Variants in RBFOX1 observed in about 807,000 individuals in gnomAD.
The protein encoded by RBFOX1 is RNA binding protein fox-1 homolog 1.
A neutral mutation model predicts 57.7 loss-of-function variants in RBFOX1; 8 were observed. That is an observed-to-expected ratio of 0.14 (90% CI 0.08 to 0.25). The LOEUF is 0.25. RBFOX1 is among the 10% of genes least tolerant of loss of function. The pLI, the probability that RBFOX1 is intolerant of heterozygous loss-of-function variation, is 1.00. For missense variants in RBFOX1, 611 were observed against 548.5 expected (o/e 1.11, Z -1.14); for synonymous variants, 326 against 222.4 (o/e 1.47, Z -4.15).
chr16:6,718,800 C>T (rs970339983), intron 3 of RBFOX1, among the ~76,000 whole-genome samples: 2 of 152,156 alleles, frequency 1.3e-5, no homozygotes, highest in African/African-American at 4.8e-5. Flanking sequence ...CCAGTCTCCG[C>T]ATAAACACAC....
intron 4 of RBFOX1, among the ~76,000 whole-genome samples, chr16:7,382,260 A>G (rs987345981): frequency 1.3e-5 from 2 of 152,216 alleles, no homozygotes; most frequent in Non-Finnish European, 2.9e-5. Context: ...GTTCCACTAA[A>G]TATTTTAACA....
chr16:7,648,917 G>A (rs1424945605), intron 11 of RBFOX1, among the ~76,000 whole-genome samples: 1 of 152,080 alleles, frequency 6.6e-6, no homozygotes, highest in Non-Finnish European at 1.5e-5. Context: ...TCAAAATCTG[G>A]TTACTTTTTC....
At chr16:6,493,937 G>A (rs1002744435) in intron 2 of RBFOX1, among the ~76,000 whole-genome samples, 13 of 152,180 alleles carry the variant, frequency 8.5e-5, no homozygotes, top group Admixed American at 8.5e-4. Context: ...AGTAGCATCA[G>A]CGTGATTTTT....
intron 3 of RBFOX1, among the ~76,000 whole-genome samples, chr16:7,027,642 T>G (rs527792286): frequency 6.6e-6 from 1 of 152,246 alleles, no homozygotes; most frequent in South Asian, 2.1e-4. Context: ...AAGCCCAACT[T>G]TCATTATTCA....
chr16:5,393,674 G>A (rs1157269689), intron 1 of RBFOX1, among the ~76,000 whole-genome samples: 7 of 151,958 alleles, frequency 4.6e-5, no homozygotes, highest in Admixed American at 3.3e-4. Flanking sequence ...GAGGTGTTCT[G>A]TGTTTTTGTT....
intron 2 of RBFOX1, among the ~76,000 whole-genome samples, chr16:6,437,574 C>G (rs1393542909): frequency 6.6e-6 from 1 of 152,096 alleles, no homozygotes; most frequent in Non-Finnish European, 1.5e-5. Context: ...GTGTATTAGT[C>G]CATTGCTACA....
At chr16:7,419,260 G>T (rs1055205724) in intron 4 of RBFOX1, among the ~76,000 whole-genome samples, 1 of 152,072 alleles carries the variant, frequency 6.6e-6, no homozygotes, top group African/African-American at 2.4e-5. Context: ...GTTGGTTGCT[G>T]CCTTGTCCCT....
At chr16:6,045,153 A>G (rs111918556) in intron 1 of RBFOX1, among the ~76,000 whole-genome samples, 3 of 152,346 alleles carry the variant, frequency 2.0e-5, no homozygotes, top group African/African-American at 7.2e-5. Flanking sequence ...GACTCTTGTT[A>G]AAATGCAGAT....
intron 1 of RBFOX1, among the ~76,000 whole-genome samples, chr16:6,077,543 A>C (rs2095923055): frequency 6.6e-6 from 1 of 152,044 alleles, no homozygotes; most frequent in South Asian, 2.1e-4. Context: ...TTCCTTTAAG[A>C]TGATGGTTTC....
chr16:6,728,639 A>G lies in RBFOX1; in HGVS notation c.-16+73989A>G, dbSNP rs377657684. Among the ~76,000 whole-genome samples, 49 of 152,296 alleles carry G rather than the reference A, an allele frequency of 3.2e-4. 1 individual carries two copies. In the South Asian group the frequency reaches 9.1e-3, roughly 28 times the overall value. On this transcript the variant is annotated intron_variant, in intron 3 of 15. Transcript: ENST00000550418. ...ATATTGGAGCTGCCCCACGCTGGCTAATGTTGGATATTGATTCTGAATAAT... is the reference window on the plus strand; with the variant it reads ...ATATTGGAGCTGCCCCACGCTGGCTGATGTTGGATATTGATTCTGAATAAT...
intron 4 of RBFOX1, among the ~76,000 whole-genome samples, chr16:7,167,311 C>G (rs1228214428): frequency 6.6e-6 from 1 of 151,858 alleles, no homozygotes; most frequent in Non-Finnish European, 1.5e-5. Flanking sequence ...ACGGATGTCA[C>G]TCATTAAGGA....
intron 3 of RBFOX1, among the ~76,000 whole-genome samples, chr16:6,850,735 A>G (rs898121963): frequency 6.6e-6 from 1 of 152,230 alleles, no homozygotes; most frequent in African/African-American, 2.4e-5. Context: ...AATAGTGACA[A>G]TACCAAATGC....
At chr16:7,469,358 G>C (rs73500338) in intron 4 of RBFOX1, among the ~76,000 whole-genome samples, 2 of 152,012 alleles carry the variant, frequency 1.3e-5, no homozygotes, top group Non-Finnish European at 2.9e-5. Context: ...CACCGCACCT[G>C]GCCCCAGCCT....
At chr16:7,048,716 T>C (rs192587575) in intron 3 of RBFOX1, among the ~76,000 whole-genome samples, 4 of 152,356 alleles carry the variant, frequency 2.6e-5, no homozygotes, top group Admixed American at 2.6e-4. Context: ...ATGTTGATGT[T>C]GGTGTCTGTG....
At chr16:6,892,667 C>T (rs968175251) in intron 3 of RBFOX1, among the ~76,000 whole-genome samples, 4 of 144,638 alleles carry the variant, frequency 2.8e-5, no homozygotes, top group Non-Finnish European at 6.3e-5. Flanking sequence ...AGGGCTGTCT[C>T]GAAACAAACA....
chr16:5,813,913 T>G (rs1218918492), intron 3 of RBFOX1, among the ~76,000 whole-genome samples: 1 of 152,204 alleles, frequency 6.6e-6, no homozygotes, highest in East Asian at 1.9e-4. Flanking sequence ...TAGATGAAAT[T>G]TTAGGATTGG....
chr16:5,972,106 C>A lies in RBFOX1; in HGVS notation c.351+104771C>A, dbSNP rs192364550. ...AAACACCACCATTCATTCTCCTGGG[C>A]CTCCAGCATGCTGACTCATCCTGCA... On this transcript the variant is annotated intron_variant, in intron 4 of 19. Transcript: ENST00000641259. 1.1e-4 allele frequency among the ~76,000 whole-genome samples: 17 copies of A among 152,336 alleles called. No individual in the cohort carries two copies. The East Asian group carries it at 3.3e-3, about 29-fold the overall frequency.
chr16:6,588,823 C>CCCAGG lies in RBFOX1; in HGVS notation c.-63-65776_-63-65772dup, dbSNP rs1401384120. Among the ~76,000 whole-genome samples the CCCAGG allele has an allele frequency of 5.3e-5, 8 of 152,076 alleles. 1 individual carries two copies. The highest frequency in any genetic ancestry group is 1.9e-4 in the African/African-American group (8 of 41,400). On this transcript the variant is annotated intron_variant, in intron 2 of 15. Transcript: ENST00000550418. ...CTTCAGCACTTTGTGGAGAGTGCTCCCCAGGCCATGCTGTCTCACTGCCTC... is the reference window on the plus strand; with the variant it reads ...CTTCAGCACTTTGTGGAGAGTGCTCCCCAGGCCAGGCCATGCTGTCTCACTGCCTC...
chr16:6,919,405 A>G (rs78549225), intron 3 of RBFOX1, among the ~76,000 whole-genome samples: 7,981 of 151,880 alleles, frequency 0.053, 285 homozygotes, highest in East Asian at 0.15. Context: ...TCCATTTTAT[A>G]GACCAAAAAA....
Sources: gnomAD v4.1 joint callset for allele counts (sites outside exome capture counted in the v4.1 genomes callset) on GRCh38, gnomAD v4.1.1 for gene constraint, MANE v1.5 for transcripts, NCBI Gene and HGNC (gene_info 2026-07-23, HGNC 2026-07-21) for gene names.